FOXN3: variants seen among roughly 807,000 people sequenced by gnomAD.
FOXN3 encodes forkhead box N3.
A neutral mutation model predicts 38.4 loss-of-function variants in FOXN3; 7 were observed. The ratio of observed to expected loss-of-function variants is 0.18; its 90% CI spans 0.10 to 0.34. The LOEUF (loss-of-function observed/expected upper bound fraction) is 0.34, where lower values mean the gene tolerates loss of function less well. FOXN3 is among the 10% of genes least tolerant of loss of function. The pLI is 1.00. For missense variants in FOXN3, 456 were observed against 613.4 expected, an observed-to-expected ratio of 0.74 and a Z score of 2.71; for synonymous variants, 230 against 242.2, an observed-to-expected ratio of 0.95 and a Z score of 0.47.
intron 1 of FOXN3, among the ~76,000 whole-genome samples, chr14:89,480,594 A>G (rs1200703952): frequency 6.6e-6 from 1 of 152,148 alleles, no homozygotes; most frequent in Admixed American, 6.5e-5. Context: ...GGGAAAAAAA[A>G]AAGACCTCAT....
At chr14:89,394,891 A>G (rs560415689) in intron 2 of FOXN3, among the ~76,000 whole-genome samples, 1 of 152,342 alleles carries the variant, frequency 6.6e-6, no homozygotes, top group Non-Finnish European at 1.5e-5. Context: ...TGACTCCCCA[A>G]CTAAGGGATC....
intron 3 of FOXN3, among the ~76,000 whole-genome samples, chr14:89,334,611 C>CATAAAATAAAATAAAATAAAATAAA (rs142055992): frequency 0.029 from 4,353 of 147,584 alleles, 129 homozygotes; most frequent in East Asian, 0.068. Context: ...CTTCATCAAA[C>CATAAAATAAAATAAAATAAAATAAA]ATAAAATAAA....
rs183313998 is a variant in FOXN3 at position 89,493,898 on chromosome 14, T to C, written c.-14-81408A>G. Reference sequence around the variant, plus strand: ...ATAGCTTCATTAACAATATCCTTCTTTGATATGTCATCTGCCAAGGCCATT... The same window carrying C: ...ATAGCTTCATTAACAATATCCTTCTCTGATATGTCATCTGCCAAGGCCATT... On this transcript the variant is annotated intron_variant, in intron 1 of 6. Coordinates refer to the FOXN3 transcript ENST00000345097. 4 of 152,266 alleles carry C rather than the reference T, an allele frequency of 2.6e-5. No individual in the cohort carries two copies. The East Asian group carries it at 7.7e-4, about 29-fold the overall frequency. 9.4% of individuals were successfully genotyped at this position (152,266 alleles called of 1,614,324 possible).
intron 4 of FOXN3, among the ~76,000 whole-genome samples, chr14:89,192,677 T>C (rs1330935038): frequency 7.0e-6 from 1 of 142,530 alleles, no homozygotes; most frequent in Non-Finnish European, 1.5e-5. Context: ...TATATAATAG[T>C]TAATATACAC....
At chr14:89,554,470 G>C (rs1788832671) in intron 1 of FOXN3, among the ~76,000 whole-genome samples, 1 of 152,146 alleles carries the variant, frequency 6.6e-6, no homozygotes. Context: ...GGAAGAAGGA[G>C]AGTTGGGGCT....
intron 1 of FOXN3, among the ~76,000 whole-genome samples, chr14:89,491,145 T>G (rs1368880752): frequency 1.3e-5 from 2 of 151,948 alleles, no homozygotes; most frequent in Non-Finnish European, 1.5e-5. Flanking sequence ...TTTTTTGTTT[T>G]TTTTTTTTTA....
At chr14:89,442,899 A>C in intron 1 of FOXN3, among the ~76,000 whole-genome samples, 1 of 152,242 alleles carries the variant, frequency 6.6e-6, no homozygotes, top group East Asian at 1.9e-4. Flanking sequence ...ACAGTGCCAG[A>C]ATACTACAGT....
At chr14:89,390,319 A>C (rs893300009) in intron 2 of FOXN3, among the ~76,000 whole-genome samples, 17 of 147,112 alleles carry the variant, frequency 1.2e-4, no homozygotes, top group African/African-American at 4.2e-4. Flanking sequence ...CTCTCTATAT[A>C]TATATAAATA....
At chr14:89,492,793 C>G (rs1224674968) in intron 1 of FOXN3, among the ~76,000 whole-genome samples, 1 of 152,202 alleles carries the variant, frequency 6.6e-6, no homozygotes, top group Non-Finnish European at 1.5e-5. Context: ...TCAGACTACA[C>G]ATGGGCATAT....
intron 3 of FOXN3, among the ~76,000 whole-genome samples, chr14:89,303,223 G>A (rs1441290921): frequency 6.6e-6 from 1 of 152,018 alleles, no homozygotes; most frequent in Non-Finnish European, 1.5e-5. Flanking sequence ...TTGCTACTCA[G>A]TTGCCCCTGC....
At chr14:89,191,058 C>T (rs1887928758) in intron 4 of FOXN3, among the ~76,000 whole-genome samples, 1 of 152,022 alleles carries the variant, frequency 6.6e-6, no homozygotes, top group Non-Finnish European at 1.5e-5. Context: ...GCTTCCACTT[C>T]TATTATTGCT....
chr14:89,581,226 A>T (rs1018124697), intron 1 of FOXN3, among the ~76,000 whole-genome samples: 1 of 151,998 alleles, frequency 6.6e-6, no homozygotes, highest in African/African-American at 2.4e-5. Flanking sequence ...TCACGGCCAT[A>T]ATCCCAACAT....
intron 1 of FOXN3, among the ~76,000 whole-genome samples, chr14:89,428,620 A>G (rs1014611845): frequency 6.6e-6 from 1 of 152,218 alleles, no homozygotes; most frequent in Non-Finnish European, 1.5e-5. Flanking sequence ...AATCCTGAAC[A>G]TGTTTCCTCT....
intron 2 of FOXN3, among the ~76,000 whole-genome samples, chr14:89,369,561 A>C (rs111418232): frequency 6.7e-6 from 1 of 148,620 alleles, no homozygotes; most frequent in Non-Finnish European, 1.5e-5. Context: ...TTTTTTTTTT[A>C]AAAAAGAGGT....
At chr14:89,222,746 T>C (rs952938800) in intron 4 of FOXN3, among the ~76,000 whole-genome samples, 7 of 152,186 alleles carry the variant, frequency 4.6e-5, no homozygotes, top group African/African-American at 1.7e-4. Context: ...TGATGGTTTC[T>C]TTAGTGAAAT....
chr14:89,541,293 T>C (rs1812755), intron 1 of FOXN3, among the ~76,000 whole-genome samples: 26,792 of 152,158 alleles, frequency 0.18, 2,537 homozygotes, highest in Middle Eastern at 0.26. Context: ...TCGGGCTGCA[T>C]TCCCAGACGG....
chr14:89,319,544 C>A (rs564748173), intron 3 of FOXN3, among the ~76,000 whole-genome samples: 3 of 152,184 alleles, frequency 2.0e-5, no homozygotes, highest in Admixed American at 2.0e-4. Flanking sequence ...AGACTTCTTC[C>A]ACCAACCACA....
At chr14:89,594,991 A>G (rs1896029852) in intron 1 of FOXN3, among the ~76,000 whole-genome samples, 1 of 152,126 alleles carries the variant, frequency 6.6e-6, no homozygotes, top group African/African-American at 2.4e-5. Flanking sequence ...GACTCTATAC[A>G]TCACTTTGAG....
intron 1 of FOXN3, among the ~76,000 whole-genome samples, chr14:89,506,032 G>GC (rs1324861315): frequency 4.7e-5 from 7 of 148,100 alleles, no homozygotes; most frequent in African/African-American, 1.8e-4. Flanking sequence ...GTGGGGGTCA[G>GC]CCCCCGGCCC....
Sources: gnomAD v4.1 joint callset for allele counts (sites outside exome capture counted in the v4.1 genomes callset) on GRCh38, gnomAD v4.1.1 for gene constraint, MANE v1.5 for transcripts, NCBI Gene and HGNC (gene_info 2026-07-23, HGNC 2026-07-21) for gene names.